UBE2D1: variants seen among roughly 807,000 people sequenced by gnomAD.
UBE2D1 encodes the protein ubiquitin-conjugating enzyme E2 D1.
In UBE2D1, 9 loss-of-function variants were observed where a neutral mutation model predicts 24.6. The ratio of observed to expected loss-of-function variants is 0.37; its 90% CI spans 0.22 to 0.64. The LOEUF (loss-of-function observed/expected upper bound fraction) is 0.64. UBE2D1 is among the 30% of genes least tolerant of loss of function. The probability of loss-of-function intolerance (pLI) is 0.64; values close to 1 mark genes in which losing one functional copy is unlikely to be tolerated. For missense variants in UBE2D1, 87 were observed against 177.1 expected, an observed-to-expected ratio of 0.49 and a Z score of 2.89; for synonymous variants, 57 against 57.6, an observed-to-expected ratio of 0.99 and a Z score of 0.04.
chr10:58,367,964 G>A lies in UBE2D1; in HGVS notation c.346G>A (p.Asp116Asn). The A allele has an allele frequency of 6.2e-7, 1 of 1,611,130 alleles. No individual in the cohort carries two copies. Among genetic ancestry groups the A allele is most frequent in the Non-Finnish European group, 8.5e-7 (1 of 1,178,106 alleles). ...ICSLLCDPNP[D>N]DPLVPDIAQI... The stretch of plus-strand genomic sequence containing the variant: ...TTCTCTACTTTGTGATCCTAATCCA[G>A]ATGACCCCTTAGTACCAGATATTGC... The change falls in exon 6 of 7, where the codon GAT becomes AAT. Residue 116 changes from aspartate to asparagine, a missense_variant. Asp to Asn is a conservative substitution (Grantham distance 23). Transcript: ENST00000373910.
chr10:58,339,771 TC>T (rs1483965168), intron 1 of UBE2D1, among the ~76,000 whole-genome samples: 2 of 151,718 alleles, frequency 1.3e-5, no homozygotes, highest in Non-Finnish European at 2.9e-5. Flanking sequence ...TTTTTTTTTT[TC>T]AGTCTTAGAA....
intron 1 of UBE2D1, among the ~76,000 whole-genome samples, chr10:58,350,336 GT>G (rs990969161): frequency 6.6e-6 from 1 of 151,986 alleles, no homozygotes; most frequent in African/African-American, 2.4e-5. Flanking sequence ...TAGCATTTTG[GT>G]TTAAATTTGC....
At chr10:58,344,785 T>C (rs1839998011) in intron 1 of UBE2D1, among the ~76,000 whole-genome samples, 1 of 152,254 alleles carries the variant, frequency 6.6e-6, no homozygotes, top group East Asian at 1.9e-4. Flanking sequence ...TGTTAGCTTT[T>C]GTACTTAAGA....
intron 1 of UBE2D1, among the ~76,000 whole-genome samples, chr10:58,353,259 C>A (rs1334118281): frequency 6.6e-6 from 1 of 152,080 alleles, no homozygotes. Flanking sequence ...CTGAATAATG[C>A]CTGTTAGAAA....
At chr10:58,342,823 G>GT (rs925514688) in intron 1 of UBE2D1, among the ~76,000 whole-genome samples, 203 of 138,734 alleles carry the variant, frequency 1.5e-3, no homozygotes, top group African/African-American at 2.8e-3. Flanking sequence ...GTTTTTTTTG[G>GT]TTTTTTTTTT....
chr10:58,342,178 G>C (rs762820614), intron 1 of UBE2D1, among the ~76,000 whole-genome samples: 1 of 152,166 alleles, frequency 6.6e-6, no homozygotes, highest in Non-Finnish European at 1.5e-5. Flanking sequence ...GGAGGAAGCT[G>C]CTATCTAGAA....
In UBE2D1 at chr10:58,368,918, C is replaced by G. The variant is rs1840285863; in HGVS notation, c.*153C>G. On this transcript the variant is annotated 3_prime_UTR_variant, in exon 7 of 7. Coordinates refer to ENST00000373910, the MANE Select transcript of UBE2D1 (RefSeq NM_003338.5). Reference sequence around the variant, plus strand: ...AATGTGTTTCTGAAGCAAGACAAAACAAACTTCCAAAAATACCCTTAAGAC... The same window carrying G: ...AATGTGTTTCTGAAGCAAGACAAAAGAAACTTCCAAAAATACCCTTAAGAC... 2.3e-6 allele frequency: 1 copy of G among 436,714 alleles called. No homozygotes were observed. The highest frequency in any genetic ancestry group is 3.6e-5 in the East Asian group (1 of 27,674). The allele number at this position is 436,714 out of a possible 1,614,324, so 27.1% of individuals were successfully genotyped here. A position where few individuals can be genotyped will look rare whatever the true frequency, so the allele number is the denominator to read the frequency against.
chr10:58,340,455 C>T (rs575930861), intron 1 of UBE2D1, among the ~76,000 whole-genome samples: 74 of 152,192 alleles, frequency 4.9e-4, no homozygotes, highest in African/African-American at 1.7e-3. Context: ...AATTTAATAT[C>T]AGTAATCTGT....
rs369404163 is a variant in UBE2D1, at chr10:58,368,051, A to G, written c.398+35A>G. On this transcript the variant is annotated intron_variant, in intron 6 of 6. Coordinates refer to ENST00000373910, the MANE Select transcript of UBE2D1 (RefSeq NM_003338.5). ...TACTTATTTTAGTTTCTGTATGGAT[A>G]CATTCCTATATAGTATGCCAAAACA... 2.8e-6 allele frequency: 4 copies of G among 1,448,652 alleles called. No individual in the cohort carries two copies. In the African/African-American group the frequency reaches 5.6e-5, roughly 20 times the overall value. The allele number at this position is 1,448,652 out of a possible 1,614,324, so 89.7% of individuals were successfully genotyped here.
At chr10:58,335,372 G>A in intron 1 of UBE2D1, 147 bp downstream of exon 1, 1 of 1,008,590 alleles carries the variant, frequency 9.9e-7, no homozygotes, top group Non-Finnish European at 1.4e-6. Context: ...CTCGGGCCGG[G>A]CCAGCGGGCA....
At chr10:58,363,084 A>G (rs1840217852) in intron 3 of UBE2D1, among the ~76,000 whole-genome samples, 3 of 152,112 alleles carry the variant, frequency 2.0e-5, no homozygotes, top group Admixed American at 2.0e-4. Context: ...TAATTACTAA[A>G]CGAAGATTTG....
chr10:58,360,110 T>C (rs1298578059), intron 1 of UBE2D1, among the ~76,000 whole-genome samples: 2 of 152,180 alleles, frequency 1.3e-5, no homozygotes, highest in East Asian at 3.9e-4. Context: ...TAATGTGGTC[T>C]GTATGGTTGT....
chr10:58,370,061 TTTACTATAGAAGTTACAAAGGA>T lies in UBE2D1; in HGVS notation c.*1297_*1318del, dbSNP rs1466422976. ...CAATTTGAAAAACTTTTTTTTTTTT[TTTACTATAGAAGTTACAAAGGA>T]AGTTCTAAAATTATGCCTCCCTCTG... On this transcript the variant is annotated 3_prime_UTR_variant, in exon 7 of 7. Coordinates refer to ENST00000373910, the MANE Select transcript of UBE2D1 (RefSeq NM_003338.5). 6.6e-6 allele frequency: 1 copy of T among 151,934 alleles called. No homozygotes were observed. The highest frequency in any genetic ancestry group is 6.6e-5 in the Admixed American group (1 of 15,252). The allele number at this position is 151,934 out of a possible 1,614,324, so 9.4% of individuals were successfully genotyped here.
At chr10:58,352,375 T>C (rs892458912) in intron 1 of UBE2D1, among the ~76,000 whole-genome samples, 2 of 152,094 alleles carry the variant, frequency 1.3e-5, no homozygotes, top group African/African-American at 4.8e-5. Context: ...GTGTGAATGG[T>C]GTCCTTTGTT....
chr10:58,337,393 T>C (rs1588995010), intron 1 of UBE2D1, among the ~76,000 whole-genome samples: 1 of 152,190 alleles, frequency 6.6e-6, no homozygotes, highest in African/African-American at 2.4e-5. Context: ...CCTCCTTGAT[T>C]AGAAGCCAAT....
At chr10:58,361,239 A>G in intron 1 of UBE2D1, 99 bp from the exon 2 acceptor site, 1 of 1,223,078 alleles carries the variant, frequency 8.2e-7, no homozygotes, top group Non-Finnish European at 1.2e-6. Flanking sequence ...AACTGCTTTA[A>G]ATGTTTTTAA....
intron 1 of UBE2D1, chr10:58,361,051 C>T (rs2132329955): frequency 2.0e-6 from 1 of 506,684 alleles, no homozygotes; most frequent in South Asian, 2.0e-5. Context: ...CATAAATTAT[C>T]TTACATACAG....
intron 1 of UBE2D1, among the ~76,000 whole-genome samples, chr10:58,345,863 A>T (rs986583732): frequency 1.3e-5 from 2 of 152,198 alleles, no homozygotes; most frequent in African/African-American, 4.8e-5. Context: ...GAAGGAGCAG[A>T]TAATCCTGCT....
intron 1 of UBE2D1, among the ~76,000 whole-genome samples, chr10:58,356,796 G>A (rs932921441): frequency 6.6e-6 from 1 of 152,110 alleles, no homozygotes. Context: ...TACATTGCTC[G>A]CTCTCTTTTT....
Sources: gnomAD v4.1 joint callset for allele counts (sites outside exome capture counted in the v4.1 genomes callset) on GRCh38, gnomAD v4.1.1 for gene constraint, MANE v1.5 for transcripts, NCBI Gene and HGNC (gene_info 2026-07-23, HGNC 2026-07-21) for gene names.